FANCC: variants seen among roughly 807,000 people sequenced by gnomAD.
The protein encoded by FANCC is FA complementation group C.
A neutral mutation model predicts 71.3 loss-of-function variants in FANCC; 55 were observed. The ratio of observed to expected loss-of-function variants is 0.77; its 90% confidence interval spans 0.62 to 0.97. The LOEUF is 0.97. FANCC is among the 50% of genes least tolerant of loss of function. The pLI is 0.00. For synonymous variants in FANCC, 275 were observed against 244.9 expected (o/e 1.12, Z -1.15); for missense variants, 678 against 670.9 (o/e 1.01, Z -0.12).
chr9:95,117,288 A>C, intron 11 of FANCC, 27 bp downstream of exon 11: 1 of 1,605,482 alleles, frequency 6.2e-7, no homozygotes, highest in Non-Finnish European at 8.5e-7. Flanking sequence ...AATCATTCTG[A>C]TGTGGGCAAA....
chr9:95,191,766 C>T (rs1827131678), intron 4 of FANCC, among the ~76,000 whole-genome samples: 1 of 152,010 alleles, frequency 6.6e-6, no homozygotes, highest in African/African-American at 2.4e-5. Context: ...AAATCCTCTC[C>T]CTCATCCTCC....
chr9:95,215,005 C>A (rs1340411712), intron 4 of FANCC, among the ~76,000 whole-genome samples: 1 of 151,776 alleles, frequency 6.6e-6, no homozygotes, highest in Non-Finnish European at 1.5e-5. Flanking sequence ...ATGCATTTTA[C>A]CACAAAAATA....
intron 4 of FANCC, among the ~76,000 whole-genome samples, chr9:95,209,933 A>T (rs1367497920): frequency 6.6e-6 from 1 of 152,182 alleles, no homozygotes; most frequent in African/African-American, 2.4e-5. Context: ...CATGTATACC[A>T]GGAAATATGC....
chr9:95,307,758 A>T (rs1441964735), intron 1 of FANCC, among the ~76,000 whole-genome samples: 1 of 152,232 alleles, frequency 6.6e-6, no homozygotes, highest in Non-Finnish European at 1.5e-5. Flanking sequence ...TGCAAAGAAG[A>T]CAGCCAGGAT....
chr9:95,276,318 G>C (rs997972940), intron 1 of FANCC, among the ~76,000 whole-genome samples: 28 of 152,154 alleles, frequency 1.8e-4, no homozygotes, highest in African/African-American at 6.5e-4. Flanking sequence ...TTAGTCTGCA[G>C]AATATCCTAA....
At chr9:95,305,364 G>C (rs751925609) in intron 1 of FANCC, among the ~76,000 whole-genome samples, 1 of 152,146 alleles carries the variant, frequency 6.6e-6, no homozygotes, top group Non-Finnish European at 1.5e-5. Context: ...TACCTCACCA[G>C]ATGTCCCACT....
intron 4 of FANCC, among the ~76,000 whole-genome samples, chr9:95,199,044 T>C (rs1219455031): frequency 1.3e-5 from 2 of 152,148 alleles, no homozygotes; most frequent in South Asian, 2.1e-4. Context: ...CTTTATATTG[T>C]AGTAAAGGCA....
intron 11 of FANCC, 37 bp downstream of exon 11, chr9:95,117,278 A>C: frequency 6.3e-7 from 1 of 1,585,388 alleles, no homozygotes. Context: ...CTTCCCAGGA[A>C]ATCATTCTGA....
chr9:95,117,612 A>G (rs201308904), intron 10 of FANCC, among the ~76,000 whole-genome samples: 1 of 77,088 alleles, frequency 1.3e-5, no homozygotes, highest in Admixed American at 1.3e-4. Flanking sequence ...TTAAAAATTT[A>G]TGCTCTTGAT....
intron 14 of FANCC, among the ~76,000 whole-genome samples, chr9:95,103,613 C>T (rs994127740): frequency 2.6e-5 from 4 of 152,284 alleles, no homozygotes; most frequent in Middle Eastern, 3.4e-3. Context: ...GAGTGCCTGG[C>T]GAGAGGCCAG....
intron 4 of FANCC, among the ~76,000 whole-genome samples, chr9:95,180,032 A>AT (rs1170770900): frequency 4.6e-5 from 7 of 152,230 alleles, no homozygotes; most frequent in Non-Finnish European, 8.8e-5. Context: ...ACAAAAATGT[A>AT]TTTGCCTTGT....
At chr9:95,246,079 G>A (rs1043774763) in intron 3 of FANCC, among the ~76,000 whole-genome samples, 7 of 152,158 alleles carry the variant, frequency 4.6e-5, no homozygotes, top group Non-Finnish European at 8.8e-5. Context: ...TATACATAAT[G>A]TATTTCTGGT....
chr9:95,102,353 T>C (rs2134390153), intron 14 of FANCC, among the ~76,000 whole-genome samples: 1 of 152,300 alleles, frequency 6.6e-6, no homozygotes, highest in African/African-American at 2.4e-5. Context: ...CCTCTAAGGT[T>C]TTAACACCTG....
intron 4 of FANCC, among the ~76,000 whole-genome samples, chr9:95,192,390 T>C (rs1261246568): frequency 3.3e-5 from 5 of 152,210 alleles, no homozygotes; most frequent in African/African-American, 7.2e-5. Context: ...GGAAACCCAG[T>C]AGTGACACAG....
intron 4 of FANCC, among the ~76,000 whole-genome samples, chr9:95,208,144 C>T (rs1828261726): frequency 8.9e-6 from 1 of 112,026 alleles, no homozygotes; most frequent in African/African-American, 3.5e-5. Flanking sequence ...GTTGCCCAGG[C>T]TGGAGTGCAA....
chr9:95,182,294 G>A (rs1826422291), intron 4 of FANCC, among the ~76,000 whole-genome samples: 1 of 151,838 alleles, frequency 6.6e-6, no homozygotes, highest in Non-Finnish European at 1.5e-5. Context: ...GCCGAGGCAG[G>A]CGGATCACAA....
At chr9:95,120,442 T>A (rs141703999) in intron 10 of FANCC, among the ~76,000 whole-genome samples, 52 of 151,182 alleles carry the variant, frequency 3.4e-4, no homozygotes, top group African/African-American at 1.2e-3. Flanking sequence ...TAAGACAGCA[T>A]CTCGCCCTGT....
intron 14 of FANCC, among the ~76,000 whole-genome samples, chr9:95,105,032 C>G (rs929747159): frequency 6.6e-6 from 1 of 152,228 alleles, no homozygotes; most frequent in African/African-American, 2.4e-5. Flanking sequence ...TAAGAGTACA[C>G]AATAGATTCT....
At chr9:95,210,172 C>T (rs1053861674) in intron 4 of FANCC, among the ~76,000 whole-genome samples, 1 of 151,904 alleles carries the variant, frequency 6.6e-6, no homozygotes, top group Non-Finnish European at 1.5e-5. Context: ...TAAATCAATA[C>T]ATAGCAAAAC....
Sources: gnomAD v4.1 joint callset for allele counts (sites outside exome capture counted in the v4.1 genomes callset) on GRCh38, gnomAD v4.1.1 for gene constraint, MANE v1.5 for transcripts, NCBI Gene and HGNC (gene_info 2026-07-23, HGNC 2026-07-21) for gene names.